The following ROBO2 variants were observed in gnomAD, a reference collection of about 807,000 sequenced individuals.
ROBO2 encodes the protein roundabout guidance receptor 2.
ROBO2 carries 53 observed loss-of-function variants against 160.8 expected under a neutral mutation model. The ratio of observed to expected loss-of-function variants is 0.33; its 90% CI spans 0.26 to 0.41. The LOEUF is 0.41. ROBO2 is among the 10% of genes least tolerant of loss of function. The pLI is 1.00. For missense variants in ROBO2, 1,577 were observed against 1,722.4 expected (o/e 0.92, Z 1.49); for synonymous variants, 664 against 611.7 (o/e 1.09, Z -1.26).
chr3:77,219,455 TA>T (rs2085451908), intron 2 of ROBO2, among the ~76,000 whole-genome samples: 1 of 130,972 alleles, frequency 7.6e-6, no homozygotes, highest in African/African-American at 2.8e-5. Flanking sequence ...TATATATATA[TA>T]TATGTATCTG....
exon 26 of ROBO2, chr3:77,647,848 T>C (rs1246221252): frequency 6.6e-6 from 1 of 152,174 alleles, no homozygotes; most frequent in African/African-American, 2.4e-5. Flanking sequence ...CCATGCATTA[T>C]TGGCTCAGTA....
chr3:77,107,665 T>A (rs2072994063), intron 2 of ROBO2, among the ~76,000 whole-genome samples: 1 of 152,154 alleles, frequency 6.6e-6, no homozygotes, highest in Admixed American at 6.5e-5. Context: ...AAAATGGACT[T>A]GAGCATCCAA....
intron 2 of ROBO2, among the ~76,000 whole-genome samples, chr3:76,071,882 T>C (rs1046491463): frequency 6.6e-6 from 1 of 152,138 alleles, no homozygotes; most frequent in East Asian, 1.9e-4. Context: ...TAACACCTCT[T>C]TCTGGTAGTT....
intron 2 of ROBO2, among the ~76,000 whole-genome samples, chr3:75,962,596 C>T (rs753763968): frequency 1.3e-4 from 20 of 151,616 alleles, no homozygotes; most frequent in East Asian, 2.0e-4. Context: ...ACTGGGCTGG[C>T]GTCAACACTA....
Position 76,589,599 on chromosome 3 carries a change from G to A in ROBO2, c.110-508415G>A, listed in dbSNP as rs183623194. ...TGTTCTCTAAACACTCCTCAAATGG[G>A]AAAAGAGTCTGATATTAAAATGAAA... On this transcript the variant is annotated intron_variant, in intron 2 of 26. Transcript: ENST00000487694. 5.8e-3 allele frequency among the ~76,000 whole-genome samples: 883 copies of A among 152,242 alleles called. 2 individuals carry two copies. The highest frequency in any genetic ancestry group is 0.01 in the Middle Eastern group (3 of 294).
At chr3:76,031,545 C>T (rs1414106983) in intron 2 of ROBO2, among the ~76,000 whole-genome samples, 2 of 152,018 alleles carry the variant, frequency 1.3e-5, no homozygotes, top group Admixed American at 6.6e-5. Context: ...CCATCAATAC[C>T]GAATTTATTA....
At chr3:76,758,725 T>C (rs891677425) in intron 2 of ROBO2, among the ~76,000 whole-genome samples, 2 of 151,858 alleles carry the variant, frequency 1.3e-5, no homozygotes, top group African/African-American at 4.8e-5. Flanking sequence ...CTTAACACAA[T>C]AGACCATCAC....
chr3:76,010,278 A>C (rs1419591813), intron 2 of ROBO2, among the ~76,000 whole-genome samples: 1 of 152,234 alleles, frequency 6.6e-6, no homozygotes, highest in African/African-American at 2.4e-5. Flanking sequence ...TGACGGGACC[A>C]GAATATACGT....
At chr3:77,423,278 A>G (rs2077879235) in intron 2 of ROBO2, among the ~76,000 whole-genome samples, 1 of 152,064 alleles carries the variant, frequency 6.6e-6, no homozygotes, top group Non-Finnish European at 1.5e-5. Context: ...TTAATTGCAT[A>G]TTTGTTGTGT....
At chr3:76,078,335 G>C (rs57114044) in intron 2 of ROBO2, among the ~76,000 whole-genome samples, 78,449 of 152,028 alleles carry the variant, frequency 0.52, 21,147 homozygotes, top group African/African-American at 0.67. Context: ...CCTAGTGTTG[G>C]ATTTAGCAGT....
chr3:77,037,122 G>A (rs1334349512), upstream of ROBO2, among the ~76,000 whole-genome samples: 2 of 151,938 alleles, frequency 1.3e-5, no homozygotes, highest in Admixed American at 6.6e-5. Context: ...TCTGTCTGGC[G>A]ACTCGTTACT....
chr3:76,679,252 T>G (rs1484980849), intron 2 of ROBO2, among the ~76,000 whole-genome samples: 5 of 152,152 alleles, frequency 3.3e-5, no homozygotes, highest in African/African-American at 4.8e-5. Flanking sequence ...TCAATTAACT[T>G]AAGAAATAAA....
intron 2 of ROBO2, among the ~76,000 whole-genome samples, chr3:76,266,926 C>T (rs1221085598): frequency 6.6e-6 from 1 of 152,120 alleles, no homozygotes; most frequent in Admixed American, 6.5e-5. Context: ...TAGGAAATAG[C>T]TGTGCATTCA....
At chr3:76,253,513 A>G (rs527355409) in intron 2 of ROBO2, among the ~76,000 whole-genome samples, 66 of 151,134 alleles carry the variant, frequency 4.4e-4, no homozygotes, top group African/African-American at 1.4e-3. Context: ...GGCTCAAGCA[A>G]TCCACCTGCT....
chr3:76,247,706 C>T (rs1705703335), intron 2 of ROBO2, among the ~76,000 whole-genome samples: 1 of 151,972 alleles, frequency 6.6e-6, no homozygotes. Context: ...AATTTTAATT[C>T]CTTAAGAAAT....
rs1195807415 is a variant in ROBO2 at position 76,869,340 on chromosome 3, ATGTTTTTTTT to A, written c.110-228672_110-228663del. Among the ~76,000 whole-genome samples the A allele has an allele frequency of 1.0e-3, 109 of 108,152 alleles. 2 individuals are homozygous for A. Among genetic ancestry groups the A allele is most frequent in the Admixed American group, 3.4e-3 (35 of 10,276 alleles). The allele number at this position is 108,152 out of a possible 152,430, so 71.0% of individuals were successfully genotyped here. Reference sequence around the variant, plus strand: ...TATTTTATGTGCCTAGTAGAAATTGATGTTTTTTTTTTTTTTTTTTTTTTTTTGAGACGGA... The same window carrying A: ...TATTTTATGTGCCTAGTAGAAATTGATTTTTTTTTTTTTTTTTGAGACGGA... On this transcript the variant is annotated intron_variant, in intron 2 of 26. Coordinates refer to the ROBO2 transcript ENST00000487694.
chr3:76,322,985 C>T (rs761201007), intron 2 of ROBO2, among the ~76,000 whole-genome samples: 1 of 152,180 alleles, frequency 6.6e-6, no homozygotes, highest in Non-Finnish European at 1.5e-5. Flanking sequence ...GGCAAATTAT[C>T]TGACTTCTGT....
chr3:75,972,838 TCTAAGGCAGTCTGGCA>T (rs2065034785), intron 2 of ROBO2, among the ~76,000 whole-genome samples: 1 of 151,606 alleles, frequency 6.6e-6, no homozygotes, highest in Admixed American at 6.6e-5. Context: ...CCTAAGTCCC[TCTAAGGCAGTCTGGCA>T]CTGACTGTGG....
intron 2 of ROBO2, among the ~76,000 whole-genome samples, chr3:76,400,234 T>C (rs1479342690): frequency 3.3e-5 from 5 of 151,622 alleles, no homozygotes; most frequent in African/African-American, 1.2e-4. Flanking sequence ...TAGACACTTA[T>C]TGAATTGGAG....
Sources: gnomAD v4.1 joint callset for allele counts (sites outside exome capture counted in the v4.1 genomes callset) on GRCh38, gnomAD v4.1.1 for gene constraint, MANE v1.5 for transcripts, NCBI Gene and HGNC (gene_info 2026-07-23, HGNC 2026-07-21) for gene names.